Variants in DNAH8 observed in about 807,000 individuals in gnomAD.
The protein encoded by DNAH8 is dynein axonemal heavy chain 8, also known as axonemal beta dynein heavy chain 8.
DNAH8 carries 382 observed loss-of-function variants against 562.1 expected under a neutral mutation model. The ratio of observed to expected loss-of-function variants is 0.68; its 90% CI spans 0.63 to 0.74. The LOEUF (loss-of-function observed/expected upper bound fraction) is 0.74, where lower values mean the gene tolerates loss of function less well. DNAH8 is among the 30% of genes least tolerant of loss of function. DNAH8 has a pLI of 0.00. For synonymous variants in DNAH8, 1,881 were observed against 1,919.4 expected (o/e 0.98, Z 0.52); for missense variants, 5,203 against 5,620.4 (o/e 0.93, Z 2.37).
chr6:38,718,062 C>T (rs1762479738), intron 1 of DNAH8, among the ~76,000 whole-genome samples: 1 of 152,092 alleles, frequency 6.6e-6, no homozygotes, highest in South Asian at 2.1e-4. Context: ...TATAGCTCTA[C>T]CTCATTCTTT....
In DNAH8 at chr6:38,873,230, T is replaced by C; in HGVS notation, c.7480-6T>C. 1 of 1,612,674 alleles carries C rather than the reference T, an allele frequency of 6.2e-7. No homozygotes were observed. The highest frequency in any genetic ancestry group is 8.5e-7 in the Non-Finnish European group (1 of 1,179,672). On this transcript the variant is annotated splice_region_variant and splice_polypyrimidine_tract_variant and intron_variant, in intron 51 of 92. Coordinates refer to ENST00000327475, the MANE Select transcript of DNAH8 (RefSeq NM_001206927.2). ...AATAAACACAGATTCTGTTTCTTTGTTGCAGGCATGGTTGAAGAAACGCAC... is the reference window on the plus strand; with the variant it reads ...AATAAACACAGATTCTGTTTCTTTGCTGCAGGCATGGTTGAAGAAACGCAC...
chr6:38,904,248 A>G (rs1439617778), intron 62 of DNAH8, among the ~76,000 whole-genome samples: 1 of 152,172 alleles, frequency 6.6e-6, no homozygotes, highest in Non-Finnish European at 1.5e-5. Flanking sequence ...AGACTCATGG[A>G]TGTGGAGTTC....
chr6:38,872,978 A>G lies in DNAH8; in HGVS notation c.7310A>G (p.Asp2437Gly). The change falls in exon 51 of 93, where the codon GAT becomes GGT. Residue 2437 changes from aspartate to glycine, a missense_variant. Around this residue, in one of 6 missense-constraint regions of DNAH8, gnomAD observed 977 missense variants for 1,061.8 expected, o/e 0.92. Transcript: ENST00000327475. ...IWIENLNSVL[D>G]DNKTLTLANG... ...ATTGAGAACTTAAATTCCGTTTTGG[A>G]TGACAATAAAACTCTGACGTTAGCT... 1 of 1,614,098 alleles carries G rather than the reference A, an allele frequency of 6.2e-7. No individual in the cohort carries two copies. Among genetic ancestry groups the G allele is most frequent in the Non-Finnish European group, 8.5e-7 (1 of 1,180,004 alleles).
chr6:38,715,687 A>G (rs1562518613), intron 1 of DNAH8, among the ~76,000 whole-genome samples: 1 of 151,046 alleles, frequency 6.6e-6, no homozygotes, highest in Non-Finnish European at 1.5e-5. Flanking sequence ...GCACGTTCTC[A>G]CCTATGAGTA....
chr6:38,938,952 A>G lies in DNAH8; in HGVS notation c.11971A>G (p.Thr3991Ala). The G allele has an allele frequency of 6.2e-7, 1 of 1,613,764 alleles. No individual in the cohort carries two copies. The highest frequency in any genetic ancestry group is 8.5e-7 in the Non-Finnish European group (1 of 1,179,826). The change falls in exon 79 of 93, where the codon ACA (threonine) becomes GCA (alanine). Residue 3991 changes from threonine (T) to alanine (A), a missense_variant. Thr to Ala is a moderately conservative substitution (Grantham distance 58, BLOSUM62 0). Transcript: ENST00000327475. ...CTTAAAGATTGACCTTCAGAGAGGG[A>G]CAGTTAAGCACAGAGAGTTTCAAGC... Reference protein sequence around the residue: ...MTLKIDLQRGTVKHREFQALI... With the variant: ...MTLKIDLQRGAVKHREFQALI...
intron 86 of DNAH8, among the ~76,000 whole-genome samples, chr6:38,983,046 T>C (rs2150715562): frequency 6.6e-6 from 1 of 152,336 alleles, no homozygotes; most frequent in African/African-American, 2.4e-5. Context: ...CAGGAGAGAC[T>C]AAGAGACTTC....
intron 87 of DNAH8, 134 bp downstream of exon 87, chr6:38,984,441 T>C: frequency 1.5e-6 from 1 of 651,316 alleles, no homozygotes; most frequent in Non-Finnish European, 2.8e-6. Context: ...AACAAATGCA[T>C]GTGTGCGCTT....
intron 92 of DNAH8, among the ~76,000 whole-genome samples, chr6:39,028,506 C>T (rs866487509): frequency 6.6e-6 from 1 of 152,308 alleles, no homozygotes; most frequent in South Asian, 2.1e-4. Context: ...ATCTCTGTGT[C>T]CTCTCCTCTT....
intron 41 of DNAH8, among the ~76,000 whole-genome samples, chr6:38,854,584 G>A (rs1442554357): frequency 6.6e-6 from 1 of 152,032 alleles, no homozygotes; most frequent in Non-Finnish European, 1.5e-5. Context: ...ATTCTTATTA[G>A]CATTATTACC....
At position 38,917,410 on chromosome 6, in the gene DNAH8, AG is replaced by A. The variant is rs1451635070; in HGVS notation, c.10308+5del. 2 of 1,611,896 alleles carry A rather than the reference AG, an allele frequency of 1.2e-6. No individual in the cohort carries two copies. Among genetic ancestry groups the A allele is most frequent in the Non-Finnish European group, 1.7e-6 (2 of 1,178,712 alleles). ...ATCATGGGGAGAGTCATTAAAGGTA[AG>A]TAAAATCTATCATTGTCAATCCTAT... On this transcript the variant is annotated splice_donor_5th_base_variant and intron_variant, in intron 69 of 92. Coordinates refer to ENST00000327475, the MANE Select transcript of DNAH8 (RefSeq NM_001206927.2).
At chr6:38,922,981 TTA>T in intron 71 of DNAH8, 75 bp from the exon 72 acceptor site, 2 of 1,441,684 alleles carry the variant, frequency 1.4e-6, no homozygotes, top group Non-Finnish European at 1.9e-6. Flanking sequence ...CCATGTATTT[TTA>T]TGTGTGAATA....
chr6:38,887,130 C>T (rs751350363), intron 57 of DNAH8, 126 bp downstream of exon 57: 3 of 650,020 alleles, frequency 4.6e-6, no homozygotes, highest in Non-Finnish European at 5.4e-6. Context: ...GAGAGCTAAA[C>T]ACTAGGAAAG....
chr6:38,909,795 C>CT, intron 65 of DNAH8, 51 bp downstream of exon 65: 2 of 1,422,202 alleles, frequency 1.4e-6, no homozygotes, highest in Non-Finnish European at 2.0e-6. Context: ...GCATGTATTC[C>CT]CAAGAGGAAT....
chr6:38,914,641 T>C (rs1781166769), intron 67 of DNAH8, among the ~76,000 whole-genome samples: 1 of 152,050 alleles, frequency 6.6e-6, no homozygotes, highest in Non-Finnish European at 1.5e-5. Context: ...TGAGCCATGG[T>C]GCCCGGCCTA....
At chr6:38,791,225 T>C (rs1769713213) in intron 20 of DNAH8, among the ~76,000 whole-genome samples, 1 of 152,216 alleles carries the variant, frequency 6.6e-6, no homozygotes, top group South Asian at 2.1e-4. Context: ...ACTAGCTATG[T>C]GTTCCTTCCC....
At chr6:38,948,242 T>C (rs568432667) in intron 80 of DNAH8, among the ~76,000 whole-genome samples, 1 of 152,378 alleles carries the variant, frequency 6.6e-6, no homozygotes, top group Admixed American at 6.5e-5. Flanking sequence ...GAGGAAAAAG[T>C]GTAATCCTCA....
intron 66 of DNAH8, among the ~76,000 whole-genome samples, 165 bp downstream of exon 66, chr6:38,911,751 A>C (rs147252368): frequency 2.5e-4 from 38 of 152,212 alleles, no homozygotes; most frequent in African/African-American, 8.4e-4. Context: ...CTGTCGAGAA[A>C]CTCTGAACAG....
chr6:38,806,014 G>A (rs1162951031), intron 23 of DNAH8, among the ~76,000 whole-genome samples: 1 of 152,142 alleles, frequency 6.6e-6, no homozygotes, highest in East Asian at 1.9e-4. Context: ...CTAGCATTAT[G>A]GATGACCACT....
At position 38,722,920 on chromosome 6, in the gene DNAH8, G is replaced by C. The variant is rs754417806; in HGVS notation, c.111G>C (p.Pro37=). ...RSEEEEAPRP[P]TVEAPAEDGF... is the part of the protein sequence containing the mutation. ...AAGAGGAAGAGGCCCCGCGCCCTCC[G>C]ACAGTGGAGGCCCCGGCAGAAGATG... Residue 37 remains proline, a synonymous_variant, in exon 2 of 93, where the codon CCG becomes CCC. Coordinates refer to ENST00000327475, the MANE Select transcript of DNAH8 (RefSeq NM_001206927.2). 1.9e-6 allele frequency: 3 copies of C among 1,612,294 alleles called. No homozygotes were observed. Among genetic ancestry groups the C allele is most frequent in the Non-Finnish European group, 2.5e-6 (3 of 1,179,620 alleles).
Sources: gnomAD v4.1 joint callset for allele counts (sites outside exome capture counted in the v4.1 genomes callset) on GRCh38, gnomAD v4.1.1 for gene constraint, gnomAD v4.1.1 regional missense constraint, MANE v1.5 for transcripts, NCBI Gene and HGNC (gene_info 2026-07-23, HGNC 2026-07-21) for gene names.